Variants in BMP4 observed in about 807,000 individuals in gnomAD.
BMP4 encodes bone morphogenetic protein 4.
In BMP4, 3 loss-of-function variants were observed where a neutral mutation model predicts 29.6. That is an observed-to-expected ratio of 0.10 (90% CI 0.05 to 0.26). BMP4 has a LOEUF of 0.26. Among genes scored for constraint, BMP4 ranks in the 10% least tolerant of loss-of-function variants. The probability of loss-of-function intolerance (pLI) is 1.00; values close to 1 mark genes in which losing one functional copy is unlikely to be tolerated. For synonymous variants in BMP4, 197 were observed against 213.2 expected (o/e 0.92, Z 0.66); for missense variants, 455 against 550.2 (o/e 0.83, Z 1.73).
chr14:53,949,758 A>G lies in BMP4; in HGVS notation c.*274T>C. 1 of 351,762 alleles carries G rather than the reference A, an allele frequency of 2.8e-6. No homozygotes were observed. Among genetic ancestry groups the G allele is most frequent in the Non-Finnish European group, 5.1e-6 (1 of 194,858 alleles). The allele number at this position is 351,762 out of a possible 1,614,324, so 21.8% of individuals were successfully genotyped here. On this transcript the variant is annotated 3_prime_UTR_variant, in exon 4 of 4. Coordinates refer to ENST00000245451, the MANE Select transcript of BMP4 (RefSeq NM_001202.6). Reference sequence around the variant, plus strand: ...TGATTTACCTTTAAAATAATGACTCATTTTATTTTTTTCTTTTAATACGTA... The same window carrying G: ...TGATTTACCTTTAAAATAATGACTCGTTTTATTTTTTTCTTTTAATACGTA...
At chr14:53,952,329 G>A in intron 2 of BMP4, 100 bp from the exon 3 acceptor site, 1 of 1,399,934 alleles carries the variant, frequency 7.1e-7, no homozygotes, top group Non-Finnish European at 9.7e-7. Flanking sequence ...GGCTAGAAAT[G>A]GAGGGGCAAG....
chr14:53,950,298 C>A lies in BMP4; in HGVS notation c.961G>T (p.Gly321Cys). 1.2e-6 allele frequency: 2 copies of A among 1,614,222 alleles called. No individual in the cohort carries two copies. The highest frequency in any genetic ancestry group is 1.7e-6 in the Non-Finnish European group (2 of 1,180,044). ...HSLYVDFSDVGWNDWIVAPPG... is the reference protein window; with the variant it reads ...HSLYVDFSDVCWNDWIVAPPG... ...GGGGCCACAATCCAGTCATTCCAGC[C>A]CACATCGCTGAAGTCCACATAGAGC... is the stretch of plus-strand genomic sequence containing the variant. Residue 321 changes from glycine to cysteine, a missense_variant, in exon 4 of 4, where the codon GGC (glycine) becomes TGC (cysteine). Coordinates refer to ENST00000245451, the MANE Select transcript of BMP4 (RefSeq NM_001202.6). This position sits in a 1 kb window ranked among gnomAD's most constrained non-coding sequence, Gnocchi z 5.4.
In BMP4 at chr14:53,949,983, T is replaced by A. The variant is rs773711120; in HGVS notation, c.*49A>T. On this transcript the variant is annotated 3_prime_UTR_variant, in exon 4 of 4. Transcript: ENST00000245451. Reference sequence around the variant, plus strand: ...GAACGTGTGTGTGTGGTGTATGTGGTGTGTGTGTGTGGTGTGTATATCTGT... The same window carrying A: ...GAACGTGTGTGTGTGGTGTATGTGGAGTGTGTGTGTGGTGTGTATATCTGT... The A allele has an allele frequency of 2.0e-6, 3 of 1,486,948 alleles. No homozygotes were observed. The highest frequency in any genetic ancestry group is 1.8e-4 in the Middle Eastern group (1 of 5,670). 92.1% of individuals were successfully genotyped at this position (1,486,948 alleles called of 1,614,324 possible).
Position 53,954,038 on chromosome 14 carries a change from G to A in BMP4, c.-132-638C>T, listed in dbSNP as rs749852683. Among the ~76,000 whole-genome samples, 10 of 152,022 alleles carry A rather than the reference G, an allele frequency of 6.6e-5. No individual in the cohort carries two copies. Among genetic ancestry groups the A allele is most frequent in the Non-Finnish European group, 1.2e-4 (8 of 67,998 alleles). On this transcript the variant is annotated intron_variant, in intron 1 of 3. Coordinates refer to ENST00000245451, the MANE Select transcript of BMP4 (RefSeq NM_001202.6). The surrounding 1 kb of genome is among the most constrained non-coding windows in gnomAD (Gnocchi z 4.8). ...GACAGCCAGTCACCCCTTGGCGAAC[G>A]CCTGCTAAGGCTCCGAAGAGCCGGG...
intron 3 of BMP4, chr14:53,951,299 A>T: frequency 3.9e-6 from 1 of 259,034 alleles, no homozygotes; most frequent in South Asian, 5.0e-5. Flanking sequence ...CATGCAGACA[A>T]CCACCCTCTC....
chr14:53,951,618 G>A, intron 3 of BMP4: 1 of 601,490 alleles, frequency 1.7e-6, no homozygotes, highest in South Asian at 2.5e-5. Context: ...CACACCGCTG[G>A]GGCTAGCCCA....
At chr14:53,953,927 A>AC (rs758888243) in intron 1 of BMP4, among the ~76,000 whole-genome samples, 14 of 128,470 alleles carry the variant, frequency 1.1e-4, no homozygotes, top group East Asian at 5.1e-4. Context: ...GTGTACACAC[A>AC]CACCCCCCCA....
At chr14:53,951,619 G>A in intron 3 of BMP4, 1 of 612,900 alleles carries the variant, frequency 1.6e-6, no homozygotes, top group East Asian at 2.9e-5. Flanking sequence ...ACACCGCTGG[G>A]GCTAGCCCAC....
Position 53,952,051 on chromosome 14 carries a change from C to T in BMP4, c.172G>A (p.Glu58Lys), listed in dbSNP as rs773516930. The change falls in exon 3 of 4, where the codon GAG (glutamate) becomes AAG (lysine). Residue 58 changes from glutamate (E) to lysine (K), a missense_variant. Physicochemically the swap from Glu to Lys is moderately conservative, Grantham distance 56. Around this residue, in one of 4 missense-constraint regions of BMP4, gnomAD observed 249 missense variants for 284.6 expected, o/e 0.87. Coordinates refer to ENST00000245451, the MANE Select transcript of BMP4 (RefSeq NM_001202.6). ...GQSHELLRDFEATLLQMFGLR... is the reference protein window; with the variant it reads ...GQSHELLRDFKATLLQMFGLR... Reference sequence around the variant, plus strand: ...CCAAACATCTGCAGAAGTGTCGCCTCGAAGTCCCGCAGGAGCTCATGGCTC... The same window carrying T: ...CCAAACATCTGCAGAAGTGTCGCCTTGAAGTCCCGCAGGAGCTCATGGCTC... 1.9e-6 allele frequency: 3 copies of T among 1,614,184 alleles called. No homozygotes were observed. Among genetic ancestry groups the T allele is most frequent in the East Asian group, 4.5e-5 (2 of 44,868 alleles).
At position 53,954,174 on chromosome 14, in the gene BMP4, T is replaced by G. The variant is rs141900713; in HGVS notation, c.-132-774A>C. Among the ~76,000 whole-genome samples, 3,894 of 151,876 alleles carry G rather than the reference T, an allele frequency of 0.026. 71 individuals are homozygous for G. The highest frequency in any genetic ancestry group is 0.042 in the Non-Finnish European group (2,872 of 67,880). ...CTGTGGGAAAGTGAGAGGGAGCGGC[T>G]GTTAGTCATTGCTCCGGGTCCATTA... On this transcript the variant is annotated intron_variant, in intron 1 of 3. Transcript: ENST00000245451. The surrounding 1 kb of genome is among the most constrained non-coding windows in gnomAD (Gnocchi z 4.8).
chr14:53,950,797 G>A lies in BMP4; in HGVS notation c.462C>T (p.Ser154=), dbSNP rs1232775116. 6.2e-7 allele frequency: 1 copy of A among 1,613,494 alleles called. No homozygotes were observed. Reference sequence around the variant, plus strand: ...CCCGGAAGAGCCGAAGCTCTGCAGAGGAGATCACCTCGTTCTCAGGGATGC... The same window carrying A: ...CCCGGAAGAGCCGAAGCTCTGCAGAAGAGATCACCTCGTTCTCAGGGATGC... ...LSSIPENEVI[S]SAELRLFREQ... is the part of the protein sequence containing the mutation. Residue 154 remains serine, a synonymous_variant, in exon 4 of 4, where the codon TCC becomes TCT. Coordinates refer to ENST00000245451, the MANE Select transcript of BMP4 (RefSeq NM_001202.6). This position sits in a 1 kb window ranked among gnomAD's most constrained non-coding sequence, Gnocchi z 5.4.
In BMP4 at chr14:53,956,741, C is replaced by A; in HGVS notation, c.-324G>T. On this transcript the variant is annotated 5_prime_UTR_variant, in exon 1 of 4. Coordinates refer to ENST00000245451, the MANE Select transcript of BMP4 (RefSeq NM_001202.6). ...GGCGTCTCAGGCTCGCGTCCCTCAG[C>A]TCGGATGCCACACTCACCTAGCTTC... 1 of 399,622 alleles carries A rather than the reference C, an allele frequency of 2.5e-6. No individual in the cohort carries two copies. Among genetic ancestry groups the A allele is most frequent in the Non-Finnish European group, 4.4e-6 (1 of 226,562 alleles). The allele number at this position is 399,622 out of a possible 1,614,324, so 24.8% of individuals were successfully genotyped here.
chr14:53,950,850 C>T lies in BMP4; in HGVS notation c.409G>A (p.Ala137Thr). Residue 137 changes from alanine to threonine, a missense_variant, in exon 4 of 4, where the codon GCT becomes ACT. Ala to Thr is a moderately conservative substitution (Grantham distance 58). Coordinates refer to ENST00000245451, the MANE Select transcript of BMP4 (RefSeq NM_001202.6). The surrounding 1 kb of genome is among the most constrained non-coding windows in gnomAD (Gnocchi z 5.4). ...ENIPGTSENS[A>T]FRFLFNLSSI... is the part of the protein sequence containing the mutation. The stretch of plus-strand genomic sequence containing the variant: ...CTGAGGTTAAAGAGGAAACGAAAAG[C>T]AGAGTTTTCACTGGTCCCTGGGATG... The T allele has an allele frequency of 6.2e-7, 1 of 1,606,910 alleles. No homozygotes were observed.
Position 53,949,969 on chromosome 14 carries a change from T to C in BMP4, c.*63A>G, listed in dbSNP as rs1438269222. Reference sequence around the variant, plus strand: ...GGGTGAGTGGATGGGAACGTGTGTGTGTGGTGTATGTGGTGTGTGTGTGTG... The same window carrying C: ...GGGTGAGTGGATGGGAACGTGTGTGCGTGGTGTATGTGGTGTGTGTGTGTG... On this transcript the variant is annotated 3_prime_UTR_variant, in exon 4 of 4. Coordinates refer to ENST00000245451, the MANE Select transcript of BMP4 (RefSeq NM_001202.6). 2 of 1,572,740 alleles carry C rather than the reference T, an allele frequency of 1.3e-6. No individual in the cohort carries two copies. The highest frequency in any genetic ancestry group is 4.5e-5 in the East Asian group (2 of 44,474).
Position 53,949,821 on chromosome 14 carries a change from G to T in BMP4, c.*211C>A, listed in dbSNP as rs555861118. ...TTTTGTCAAAATATATGATCAATATGGTCAAAACATTTGCACGTAAAGTCA... is the reference window on the plus strand; with the variant it reads ...TTTTGTCAAAATATATGATCAATATTGTCAAAACATTTGCACGTAAAGTCA... On this transcript the variant is annotated 3_prime_UTR_variant, in exon 4 of 4. Transcript: ENST00000245451. 2 of 542,324 alleles carry T rather than the reference G, an allele frequency of 3.7e-6. No individual in the cohort carries two copies. Among genetic ancestry groups the T allele is most frequent in the Non-Finnish European group, 6.4e-6 (2 of 313,534 alleles). The allele number at this position is 542,324 out of a possible 1,614,324, so 33.6% of individuals were successfully genotyped here.
In BMP4 at chr14:53,949,883, C is replaced by T. The variant is rs74495140; in HGVS notation, c.*149G>A. ...AAGGTGAATGTTTAGGGATTTTTTCCTTTTTTTTTTTTTTTTTTAAATAAA... is the reference window on the plus strand; with the variant it reads ...AAGGTGAATGTTTAGGGATTTTTTCTTTTTTTTTTTTTTTTTTTAAATAAA... On this transcript the variant is annotated 3_prime_UTR_variant, in exon 4 of 4. Coordinates refer to ENST00000245451, the MANE Select transcript of BMP4 (RefSeq NM_001202.6). 8.5e-4 allele frequency: 547 copies of T among 644,256 alleles called. No homozygotes were observed. In the South Asian group the frequency reaches 9.4e-3, roughly 11 times the overall value. 39.9% of individuals were successfully genotyped at this position (644,256 alleles called of 1,614,324 possible). A position where few individuals can be genotyped will look rare whatever the true frequency, so the allele number is the denominator to read the frequency against.
intron 2 of BMP4, among the ~76,000 whole-genome samples, chr14:53,952,698 G>A (rs971652258): frequency 6.6e-6 from 1 of 152,150 alleles, no homozygotes; most frequent in Non-Finnish European, 1.5e-5. Context: ...ACTTCCAGTT[G>A]GTTCAGAGCC....
Position 53,950,787 on chromosome 14 carries a change from G to T in BMP4, c.472C>A (p.Leu158Ile). The T allele has an allele frequency of 6.2e-7, 1 of 1,613,570 alleles. No homozygotes were observed. Among genetic ancestry groups the T allele is most frequent in the Non-Finnish European group, 8.5e-7 (1 of 1,180,006 alleles). The change falls in exon 4 of 4, where the codon CTT (leucine) becomes ATT (isoleucine). Residue 158 changes from leucine to isoleucine, a missense_variant. Leu to Ile is a conservative substitution (Grantham distance 5). This residue lies in a region of BMP4 where 249 missense variants were observed against 284.6 expected (regional missense o/e 0.87). Transcript: ENST00000245451. The surrounding 1 kb of genome is among the most constrained non-coding windows in gnomAD (Gnocchi z 5.4). ...PENEVISSAE[L>I]RLFREQVDQG... The stretch of plus-strand genomic sequence containing the variant: ...TCCACCTGCTCCCGGAAGAGCCGAA[G>T]CTCTGCAGAGGAGATCACCTCGTTC...
rs1439765696 is a variant in BMP4 at position 53,950,148 on chromosome 14, C to T, written c.1111G>A (p.Ala371Thr). The T allele has an allele frequency of 1.2e-6, 2 of 1,614,148 alleles. No homozygotes were observed. Among genetic ancestry groups the T allele is most frequent in the African/African-American group, 1.3e-5 (1 of 75,028 alleles). Residue 371 changes from alanine (A) to threonine (T), a missense_variant, in exon 4 of 4, where the codon GCC becomes ACC. Physicochemically the swap from Ala to Thr is moderately conservative, Grantham distance 58. This residue lies in a region of BMP4 where 48 missense variants were observed against 90.4 expected (regional missense o/e 0.53). Coordinates refer to ENST00000245451, the MANE Select transcript of BMP4 (RefSeq NM_001202.6). This position sits in a 1 kb window ranked among gnomAD's most constrained non-coding sequence, Gnocchi z 5.4. ...CTCAGTTCAGTGGGCACACAACAGG[C>T]TTTGGGGATACTGGAATTGACAGAA... ...VNSVNSSIPK[A>T]CCVPTELSAI... is the part of the protein sequence containing the mutation.
Sources: allele counts gnomAD v4.1 joint callset (sites outside exome capture counted in the v4.1 genomes callset), GRCh38; gene constraint gnomAD v4.1.1; regional missense constraint gnomAD v4.1.1; non-coding constraint Gnocchi (gnomAD v3.1); transcripts MANE v1.5; gene names NCBI Gene and HGNC (gene_info 2026-07-23, HGNC 2026-07-21).